The following TENM3 variants were observed in gnomAD, a reference collection of about 807,000 sequenced individuals.
TENM3 encodes teneurin transmembrane protein 3.
In TENM3, 63 loss-of-function variants were observed where a neutral mutation model predicts 255.1. That is an observed-to-expected ratio of 0.25 (90% CI 0.20 to 0.30). TENM3 has a LOEUF of 0.30. Among genes scored for constraint, TENM3 ranks in the 10% least tolerant of loss-of-function variants. The pLI is 1.00. For missense variants in TENM3, 2,929 were observed against 3,461.1 expected, an observed-to-expected ratio of 0.85 and a Z score of 3.86; for synonymous variants, 1,306 against 1,322.3, an observed-to-expected ratio of 0.99 and a Z score of 0.27.
the TENM3 span, among the ~76,000 whole-genome samples, chr4:181,478,403 C>G: frequency 6.6e-6 from 1 of 151,886 alleles, no homozygotes; most frequent in East Asian, 1.9e-4. Context: ...TGCTGCTACT[C>G]CTTGCTGCCT....
At chr4:182,451,569 C>T (rs1478784924) in intron 3 of TENM3, among the ~76,000 whole-genome samples, 1 of 152,108 alleles carries the variant, frequency 6.6e-6, no homozygotes, top group Non-Finnish European at 1.5e-5. Flanking sequence ...ATACAGTGAT[C>T]CTGATAATTA....
At chr4:182,478,460 TA>T (rs933107482) in intron 3 of TENM3, among the ~76,000 whole-genome samples, 2 of 151,856 alleles carry the variant, frequency 1.3e-5, no homozygotes, top group African/African-American at 4.8e-5. Flanking sequence ...GTTTTTTTTT[TA>T]ATAATTAATC....
the TENM3 span, among the ~76,000 whole-genome samples, chr4:182,023,254 C>T: frequency 3.3e-5 from 5 of 152,124 alleles, no homozygotes; most frequent in African/African-American, 9.7e-5. Context: ...CCACACATCA[C>T]GAAGGCATGT....
chr4:182,017,691 G>T, the TENM3 span, among the ~76,000 whole-genome samples: 2 of 152,280 alleles, frequency 1.3e-5, no homozygotes, highest in Non-Finnish European at 2.9e-5. Flanking sequence ...TTTTCTTGTA[G>T]TTCTTACATG....
chr4:181,657,858 A>G, the TENM3 span, among the ~76,000 whole-genome samples: 1 of 152,182 alleles, frequency 6.6e-6, no homozygotes, highest in African/African-American at 2.4e-5. Flanking sequence ...ACCGGAGGCC[A>G]TTATCCTAAG....
At chr4:182,784,525 C>T (rs1765460515) in intron 24 of TENM3, among the ~76,000 whole-genome samples, 1 of 151,652 alleles carries the variant, frequency 6.6e-6, no homozygotes, top group Admixed American at 6.6e-5. Context: ...GTGCCCTGCC[C>T]CCAGAGGTGG....
Position 182,356,707 on chromosome 4 carries a change from A to T in TENM3, c.511+9778A>T, listed in dbSNP as rs187455261. Among the ~76,000 whole-genome samples the T allele has an allele frequency of 6.8e-3, 1,038 of 151,956 alleles. 15 individuals are homozygous for T. The highest frequency in any genetic ancestry group is 0.023 in the African/African-American group (968 of 41,470). On this transcript the variant is annotated intron_variant, in intron 3 of 27. Transcript: ENST00000511685. ...AAACTTTTTTTTTAAATATATTTTTAAAATTATTATTTTTTTATTATTATT... is the reference window on the plus strand; with the variant it reads ...AAACTTTTTTTTTAAATATATTTTTTAAATTATTATTTTTTTATTATTATT...
At chr4:182,798,577 A>G (rs1041001743) in intron 27 of TENM3, among the ~76,000 whole-genome samples, 7 of 152,252 alleles carry the variant, frequency 4.6e-5, no homozygotes, top group African/African-American at 1.7e-4. Flanking sequence ...ATGACTGTCT[A>G]CACTGATACA....
At chr4:182,081,443 G>A in the TENM3 span, among the ~76,000 whole-genome samples, 1 of 151,956 alleles carries the variant, frequency 6.6e-6, no homozygotes. Flanking sequence ...AATTAGCTGG[G>A]CGTGGTGGCA....
the TENM3 span, among the ~76,000 whole-genome samples, chr4:181,603,879 C>A: frequency 6.6e-6 from 1 of 152,160 alleles, no homozygotes; most frequent in South Asian, 2.1e-4. Flanking sequence ...AAAGAAATTC[C>A]TATTGTGGAT....
At chr4:182,394,103 A>G (rs1032890181) in intron 3 of TENM3, among the ~76,000 whole-genome samples, 3 of 150,096 alleles carry the variant, frequency 2.0e-5, no homozygotes, top group African/African-American at 7.6e-5. Flanking sequence ...TTCAAAACCT[A>G]CAGAGTAGTT....
the TENM3 span, among the ~76,000 whole-genome samples, chr4:181,550,832 G>A: frequency 5.3e-5 from 8 of 152,256 alleles, no homozygotes; most frequent in East Asian, 3.9e-4. Flanking sequence ...AATGACAAGC[G>A]GTGTTAGCAT....
the TENM3 span, among the ~76,000 whole-genome samples, chr4:181,547,382 A>C: frequency 1.3e-5 from 2 of 152,212 alleles, no homozygotes; most frequent in African/African-American, 4.8e-5. Flanking sequence ...TATTTAGAGG[A>C]TCAATCCAAA....
At chr4:182,696,082 GTCTAC>G (rs1200780781) in intron 12 of TENM3, among the ~76,000 whole-genome samples, 1 of 151,996 alleles carries the variant, frequency 6.6e-6, no homozygotes, top group Non-Finnish European at 1.5e-5. Flanking sequence ...ACTCAAAATA[GTCTAC>G]TCTACAGACA....
At chr4:182,637,465 A>G (rs1265993605) in intron 5 of TENM3, among the ~76,000 whole-genome samples, 1 of 152,188 alleles carries the variant, frequency 6.6e-6, no homozygotes. Flanking sequence ...TTGAGGCTGT[A>G]ATGCCTGATG....
the TENM3 span, among the ~76,000 whole-genome samples, chr4:181,555,345 C>T: frequency 6.6e-6 from 1 of 152,112 alleles, no homozygotes; most frequent in African/African-American, 2.4e-5. Context: ...TTATCTTAGC[C>T]ACTAAAAATT....
chr4:182,267,069 A>G (rs2150195358), intron 1 of TENM3, among the ~76,000 whole-genome samples: 1 of 152,316 alleles, frequency 6.6e-6, no homozygotes, highest in East Asian at 1.9e-4. Context: ...CTCATAGAAA[A>G]CTAAAATGTT....
At chr4:181,631,444 C>A in the TENM3 span, among the ~76,000 whole-genome samples, 1 of 152,126 alleles carries the variant, frequency 6.6e-6, no homozygotes, top group African/African-American at 2.4e-5. Context: ...CATGCCCCAC[C>A]ACCATGGGTG....
At chr4:182,197,595 A>G (rs974559452) in intron 1 of TENM3, among the ~76,000 whole-genome samples, 7 of 152,222 alleles carry the variant, frequency 4.6e-5, no homozygotes, top group Non-Finnish European at 8.8e-5. Context: ...CAAAAAGAAA[A>G]AAAATGTGTA....
Sources: allele counts gnomAD v4.1 joint callset (sites outside exome capture counted in the v4.1 genomes callset), GRCh38; gene constraint gnomAD v4.1.1; transcripts MANE v1.5; gene names NCBI Gene and HGNC (gene_info 2026-07-23, HGNC 2026-07-21).